SLC25A21: variants seen among roughly 807,000 people sequenced by gnomAD.
SLC25A21 encodes the protein solute carrier family 25 member 21, also known as mitochondrial 2-oxodicarboxylate carrier.
A neutral mutation model predicts 43.8 loss-of-function variants in SLC25A21; 47 were observed. The ratio of observed to expected loss-of-function variants is 1.07; its 90% CI spans 0.85 to 1.37. The LOEUF (loss-of-function observed/expected upper bound fraction) is 1.37. Ranked by LOEUF, SLC25A21 falls within the 40% of genes most tolerant of loss-of-function variation. The pLI is 0.00. For missense variants in SLC25A21, 352 were observed against 350.2 expected (o/e 1.00, Z -0.04); for synonymous variants, 131 against 121.3 (o/e 1.08, Z -0.52).
chr14:36,921,742 T>C (rs948392095), intron 1 of SLC25A21, among the ~76,000 whole-genome samples: 2 of 152,208 alleles, frequency 1.3e-5, no homozygotes, highest in Non-Finnish European at 2.9e-5. Flanking sequence ...TTCTGGGATG[T>C]TAGTTTACAC....
chr14:37,122,408 A>C (rs1428816954), intron 1 of SLC25A21, among the ~76,000 whole-genome samples: 1 of 152,202 alleles, frequency 6.6e-6, no homozygotes, highest in Non-Finnish European at 1.5e-5. Flanking sequence ...AAAGAAAATA[A>C]GGAACACCTA....
chr14:36,871,125 C>T (rs1487036923), intron 2 of SLC25A21, among the ~76,000 whole-genome samples: 1 of 151,498 alleles, frequency 6.6e-6, no homozygotes, highest in Non-Finnish European at 1.5e-5. Context: ...TGTGCCCCTG[C>T]CCCCCCAAAT....
At chr14:36,856,784 G>A (rs919943083) in intron 2 of SLC25A21, among the ~76,000 whole-genome samples, 1 of 152,188 alleles carries the variant, frequency 6.6e-6, no homozygotes, top group Non-Finnish European at 1.5e-5. Context: ...GGAGGGGCAT[G>A]AAGGAGACAG....
At chr14:36,781,110 C>G (rs563095290) in intron 3 of SLC25A21, among the ~76,000 whole-genome samples, 188 of 152,188 alleles carry the variant, frequency 1.2e-3, no homozygotes, top group African/African-American at 4.5e-3. Context: ...TTTTGGCTAA[C>G]AGTCTATTTT....
intron 7 of SLC25A21, among the ~76,000 whole-genome samples, chr14:36,704,011 G>A (rs1883391160): frequency 6.6e-6 from 1 of 152,118 alleles, no homozygotes; most frequent in Non-Finnish European, 1.5e-5. Flanking sequence ...GTAAATGAAT[G>A]CCTCCATTAA....
At chr14:36,862,533 C>T (rs1306152615) in intron 2 of SLC25A21, among the ~76,000 whole-genome samples, 1 of 152,168 alleles carries the variant, frequency 6.6e-6, no homozygotes, top group African/African-American at 2.4e-5. Context: ...AGTGCATGTT[C>T]TCACTCATAA....
At chr14:36,894,217 A>G (rs919701528) in intron 1 of SLC25A21, among the ~76,000 whole-genome samples, 1 of 152,086 alleles carries the variant, frequency 6.6e-6, no homozygotes, top group Non-Finnish European at 1.5e-5. Flanking sequence ...TATTTCCTTG[A>G]GCAGTGGTTT....
At chr14:36,816,568 C>T (rs927589160) in intron 2 of SLC25A21, among the ~76,000 whole-genome samples, 1 of 149,742 alleles carries the variant, frequency 6.7e-6, no homozygotes, top group Admixed American at 6.7e-5. Context: ...GCCATCACAG[C>T]TCATTGCATC....
intron 1 of SLC25A21, among the ~76,000 whole-genome samples, chr14:36,929,479 T>G (rs1892227187): frequency 6.6e-6 from 1 of 152,200 alleles, no homozygotes; most frequent in Admixed American, 6.6e-5. Flanking sequence ...TGCAATTGTT[T>G]TTTTGTTTTT....
chr14:36,833,973 G>C (rs1205340088), intron 2 of SLC25A21, among the ~76,000 whole-genome samples: 1 of 152,152 alleles, frequency 6.6e-6, no homozygotes, highest in Non-Finnish European at 1.5e-5. Context: ...TGATTTCTTT[G>C]AAATATCTAG....
chr14:37,086,657 G>A (rs1319640851), intron 1 of SLC25A21, among the ~76,000 whole-genome samples: 1 of 152,034 alleles, frequency 6.6e-6, no homozygotes, highest in African/African-American at 2.4e-5. Context: ...TTATCCTCTC[G>A]ATACCTCCAT....
At chr14:36,733,661 G>A (rs1884919730) in intron 4 of SLC25A21, among the ~76,000 whole-genome samples, 1 of 152,050 alleles carries the variant, frequency 6.6e-6, no homozygotes, top group Admixed American at 6.5e-5. Context: ...CATGAGTAAT[G>A]TATGTGAAAA....
intron 3 of SLC25A21, among the ~76,000 whole-genome samples, chr14:36,780,441 T>G (rs529828223): frequency 6.6e-6 from 1 of 152,212 alleles, no homozygotes; most frequent in South Asian, 2.1e-4. Flanking sequence ...AATTGAGATA[T>G]TTCTTTTTCT....
chr14:36,679,921 A>C lies in SLC25A21; in HGVS notation c.*737T>G, dbSNP rs1250086114. The C allele has an allele frequency of 3.1e-5, 29 of 935,462 alleles. No individual in the cohort carries two copies. The highest frequency in any genetic ancestry group is 3.6e-5 in the African/African-American group (2 of 55,624). The allele number at this position is 935,462 out of a possible 1,614,324, so 57.9% of individuals were successfully genotyped here. A position where few individuals can be genotyped will look rare whatever the true frequency, so the allele number is the denominator to read the frequency against. ...ATGTTTCCTACTTGTGTTAGAAGAG[A>C]TTTGGAATACCTTGATTTAAACATG... is the stretch of plus-strand genomic sequence containing the variant. On this transcript the variant is annotated 3_prime_UTR_variant, in exon 10 of 10. Transcript: ENST00000331299.
intron 2 of SLC25A21, among the ~76,000 whole-genome samples, chr14:36,867,134 C>T (rs983276790): frequency 1.3e-5 from 2 of 152,108 alleles, no homozygotes; most frequent in African/African-American, 2.4e-5. Flanking sequence ...CCCACCTCTG[C>T]TCGAGGTACA....
chr14:36,790,983 T>G (rs1887465040), intron 3 of SLC25A21, among the ~76,000 whole-genome samples: 1 of 106,782 alleles, frequency 9.4e-6, no homozygotes, highest in African/African-American at 3.0e-5. Flanking sequence ...GCAAAATATC[T>G]TTCTTTTTTT....
chr14:37,098,825 C>T (rs1233493206), intron 1 of SLC25A21, among the ~76,000 whole-genome samples: 2 of 141,618 alleles, frequency 1.4e-5, no homozygotes, highest in Admixed American at 1.4e-4. Context: ...TTTTTTGAGA[C>T]AAAGTCTCAT....
At chr14:37,012,266 G>A (rs1282979006) in intron 1 of SLC25A21, among the ~76,000 whole-genome samples, 2 of 152,102 alleles carry the variant, frequency 1.3e-5, no homozygotes, top group African/African-American at 4.8e-5. Flanking sequence ...CTAAAATTTA[G>A]GAATAAAGGT....
At chr14:36,783,119 G>A (rs1040257882) in intron 3 of SLC25A21, among the ~76,000 whole-genome samples, 10 of 147,298 alleles carry the variant, frequency 6.8e-5, no homozygotes, top group East Asian at 2.0e-4. Context: ...TGGTCAAGAC[G>A]ATGTGCCTTA....
Sources: gnomAD v4.1 joint callset for allele counts (sites outside exome capture counted in the v4.1 genomes callset) on GRCh38, gnomAD v4.1.1 for gene constraint, MANE v1.5 for transcripts, NCBI Gene and HGNC (gene_info 2026-07-23, HGNC 2026-07-21) for gene names.